Variants in MTOR observed in about 807,000 individuals in gnomAD.
The protein encoded by MTOR is mechanistic target of rapamycin kinase.
Under a neutral mutation model 319.8 loss-of-function variants are expected in MTOR, and 70 were observed. The observed-to-expected ratio is 0.22, with a 90% CI of 0.18 to 0.27. The LOEUF (loss-of-function observed/expected upper bound fraction) is 0.27, where lower values mean the gene tolerates loss of function less well. MTOR is among the 10% of genes least tolerant of loss of function. The pLI is 1.00. For synonymous variants in MTOR, 1,183 were observed against 1,211.4 expected (o/e 0.98, Z 0.49); for missense variants, 1,890 against 3,274.4 (o/e 0.58, Z 10.32).
intron 8 of MTOR, among the ~76,000 whole-genome samples, chr1:11,246,723 C>A (rs1293997672): frequency 1.3e-5 from 2 of 152,170 alleles, no homozygotes; most frequent in Non-Finnish European, 2.9e-5. Flanking sequence ...TAAGCACAGG[C>A]AATGAGCACC....
intron 29 of MTOR, among the ~76,000 whole-genome samples, chr1:11,157,563 T>A (rs575433637): frequency 1.6e-4 from 24 of 152,294 alleles, no homozygotes; most frequent in African/African-American, 5.8e-4. Context: ...CATTATTTCC[T>A]TCCCAGACAC....
chr1:11,238,255 A>G (rs968436675), intron 12 of MTOR, 147 bp downstream of exon 12: 3 of 943,786 alleles, frequency 3.2e-6, no homozygotes, highest in Non-Finnish European at 4.9e-6. Flanking sequence ...TACAGTAGCC[A>G]TGCCTAACAC....
intron 26 of MTOR, among the ~76,000 whole-genome samples, chr1:11,202,964 G>A (rs547465896): frequency 6.6e-6 from 1 of 152,102 alleles, no homozygotes; most frequent in East Asian, 1.9e-4. Context: ...TGTAATCCCA[G>A]CACTCTGGGA....
chr1:11,146,811 C>T lies in MTOR; in HGVS notation c.4571-20G>A, dbSNP rs780761369. On this transcript the variant is annotated intron_variant, in intron 31 of 57. Transcript: ENST00000361445. ...ACTGACCTATACACACACACATAGA[C>T]AGAAAGCATCAAGGGGGTTGGCTGG... 4 of 1,583,344 alleles carry T rather than the reference C, an allele frequency of 2.5e-6. No individual in the cohort carries two copies. In the African/African-American group the frequency reaches 4.0e-5, roughly 16 times the overall value.
chr1:11,195,194 A>T, intron 28 of MTOR: 1 of 723,652 alleles, frequency 1.4e-6, no homozygotes, highest in Non-Finnish European at 2.2e-6. Flanking sequence ...TGTACCAAGG[A>T]TGTTACAGTA....
intron 47 of MTOR, among the ~76,000 whole-genome samples, chr1:11,123,948 C>T (rs1292552413): frequency 2.6e-5 from 4 of 152,140 alleles, no homozygotes; most frequent in Non-Finnish European, 5.9e-5. Flanking sequence ...CCACCACGCC[C>T]AGCTAATTTT....
intron 19 of MTOR, among the ~76,000 whole-genome samples, chr1:11,217,384 C>T (rs1366201782): frequency 6.6e-6 from 1 of 151,708 alleles, no homozygotes; most frequent in East Asian, 1.9e-4. Flanking sequence ...ATATTTGACA[C>T]CCCTTCCCCC....
In MTOR at chr1:11,194,401, T is replaced by C. The variant is rs140914592; in HGVS notation, c.4253+4857A>G. The C allele has an allele frequency of 6.5e-4, 986 of 1,527,686 alleles. 8 individuals are homozygous for C. In the African/African-American group the frequency reaches 0.012, roughly 18 times the overall value. The allele number at this position is 1,527,686 out of a possible 1,614,324, so 94.6% of individuals were successfully genotyped here. A position where few individuals can be genotyped will look rare whatever the true frequency, so the allele number is the denominator to read the frequency against. On this transcript the variant is annotated intron_variant, in intron 28 of 57. Transcript: ENST00000361445. ...TGGGACTGTCAGGAGAGAAGGGGTA[T>C]AGAGACAGCATGAAATGGAGCCTGC... is the stretch of plus-strand genomic sequence containing the variant.
chr1:11,146,638 T>C lies in MTOR; in HGVS notation c.4686+38A>G, dbSNP rs746407990. ...GTGGGCTTAGAAGCACTACAATCTT[T>C]TCCTCACTGAGAGATCTGGGTGCAT... is the stretch of plus-strand genomic sequence containing the variant. On this transcript the variant is annotated intron_variant, in intron 32 of 57. Transcript: ENST00000361445. The C allele has an allele frequency of 4.6e-6, 7 of 1,537,078 alleles. No individual in the cohort carries two copies. In the South Asian group the frequency reaches 7.8e-5, roughly 17 times the overall value.
rs1650737511 is a variant in MTOR, at chr1:11,258,681, G to A, written c.163-88C>T. 4 of 922,612 alleles carry A rather than the reference G, an allele frequency of 4.3e-6. No individual in the cohort carries two copies. In the South Asian group the frequency reaches 6.0e-5, roughly 14 times the overall value. The allele number at this position is 922,612 out of a possible 1,614,324, so 57.2% of individuals were successfully genotyped here. A position where few individuals can be genotyped will look rare whatever the true frequency, so the allele number is the denominator to read the frequency against. ...GGCTGGCATCTAAAGATTAGATCCT[G>A]AGAGGCAGGAGGTATAGTTCAAACC... On this transcript the variant is annotated intron_variant, in intron 2 of 57. Coordinates refer to ENST00000361445, the MANE Select transcript of MTOR (RefSeq NM_004958.4).
Position 11,123,842 on chromosome 1 carries a change from C to T in MTOR, c.6662+656G>A, listed in dbSNP as rs530054629. Among the ~76,000 whole-genome samples, 326 of 151,962 alleles carry T rather than the reference C, an allele frequency of 2.1e-3. 3 individuals carry two copies. The highest frequency in any genetic ancestry group is 7.0e-3 in the African/African-American group (292 of 41,434). On this transcript the variant is annotated intron_variant, in intron 47 of 57. Coordinates refer to ENST00000361445, the MANE Select transcript of MTOR (RefSeq NM_004958.4). ...CACTCTTGTTGCCCAGCCTGGAGTACAATGGTGCAATCTTGGCTCACTGCA... is the reference window on the plus strand; with the variant it reads ...CACTCTTGTTGCCCAGCCTGGAGTATAATGGTGCAATCTTGGCTCACTGCA...
intron 32 of MTOR, among the ~76,000 whole-genome samples, chr1:11,145,598 C>T (rs1419010158): frequency 8.5e-5 from 11 of 128,734 alleles, no homozygotes; most frequent in African/African-American, 3.2e-4. Flanking sequence ...TTGGTTCAAG[C>T]GATTCTCTTG....
Position 11,160,689 on chromosome 1 carries a change from A to T in MTOR, c.4330-3398T>A, listed in dbSNP as rs1212028054. Among the ~76,000 whole-genome samples the T allele has an allele frequency of 3.9e-5, 6 of 152,250 alleles. 1 individual carries two copies. In the South Asian group the frequency reaches 8.3e-4, roughly 21 times the overall value. ...ATTGTTGTGAGGACCAAATTACATGAAGTATATAAACACTTAGCAAAGGGC... is the reference window on the plus strand; with the variant it reads ...ATTGTTGTGAGGACCAAATTACATGTAGTATATAAACACTTAGCAAAGGGC... On this transcript the variant is annotated intron_variant, in intron 29 of 57. Transcript: ENST00000361445.
intron 30 of MTOR, among the ~76,000 whole-genome samples, chr1:11,154,448 T>A (rs962718701): frequency 6.6e-6 from 1 of 151,786 alleles, no homozygotes; most frequent in East Asian, 1.9e-4. Context: ...AAAATAAAAA[T>A]AAATAAAAAT....
chr1:11,124,658 AG>A (rs1383398724), intron 46 of MTOR, 25 bp from the exon 47 acceptor site: 1 of 1,592,894 alleles, frequency 6.3e-7, no homozygotes, highest in African/African-American at 1.3e-5. Context: ...GGGAGCGGTG[AG>A]TGTACATCAG....
At chr1:11,218,134 C>T (rs2100813401) in intron 19 of MTOR, among the ~76,000 whole-genome samples, 1 of 152,146 alleles carries the variant, frequency 6.6e-6, no homozygotes, top group Non-Finnish European at 1.5e-5. Flanking sequence ...GGTCCCTATA[C>T]AAATATGTTA....
At chr1:11,123,597 G>C (rs1429879842) in intron 47 of MTOR, among the ~76,000 whole-genome samples, 1 of 151,860 alleles carries the variant, frequency 6.6e-6, no homozygotes, top group African/African-American at 2.4e-5. Context: ...ATCTCCCAAG[G>C]AGCTGGGACA....
At chr1:11,174,649 A>T (rs1644926655) in intron 28 of MTOR, among the ~76,000 whole-genome samples, 1 of 152,140 alleles carries the variant, frequency 6.6e-6, no homozygotes, top group Admixed American at 6.5e-5. Context: ...TTCTAATGAG[A>T]TGTGGTTTTT....
intron 30 of MTOR, among the ~76,000 whole-genome samples, chr1:11,154,102 A>AAAAC (rs1644242159): frequency 7.4e-6 from 1 of 135,770 alleles, no homozygotes; most frequent in African/African-American, 2.7e-5. Context: ...AAAAAAAAAA[A>AAAAC]AGCCACATGT....
Sources: allele counts gnomAD v4.1 joint callset (sites outside exome capture counted in the v4.1 genomes callset), GRCh38; gene constraint gnomAD v4.1.1; transcripts MANE v1.5; gene names NCBI Gene and HGNC (gene_info 2026-07-23, HGNC 2026-07-21).